SRRM3: variants seen among roughly 807,000 people sequenced by gnomAD.
SRRM3 encodes serine/arginine repetitive matrix 3, also known as serine/arginine repetitive matrix protein 3.
A neutral mutation model predicts 66.2 loss-of-function variants in SRRM3; 27 were observed. That is an observed-to-expected ratio of 0.41 (90% confidence interval 0.30 to 0.56). SRRM3 has a LOEUF of 0.56. Among genes scored for constraint, SRRM3 ranks in the 20% least tolerant of loss-of-function variants. SRRM3 has a pLI of 0.32. For missense variants in SRRM3, 918 were observed against 991.9 expected (o/e 0.93, Z 1.00); for synonymous variants, 391 against 414.9 (o/e 0.94, Z 0.70).
chr7:76,257,422 T>G (rs1583915603), intron 3 of SRRM3, among the ~76,000 whole-genome samples: 1 of 128,710 alleles, frequency 7.8e-6, no homozygotes, highest in African/African-American at 3.0e-5. Flanking sequence ...CTCTGGAGGG[T>G]CACTTCCAGG....
intron 1 of SRRM3, among the ~76,000 whole-genome samples, chr7:76,219,502 G>A (rs1422876922): frequency 2.0e-5 from 3 of 152,204 alleles, no homozygotes; most frequent in African/African-American, 7.2e-5. Context: ...GAAGCCTGAG[G>A]GGATGCCCTG....
chr7:76,220,100 G>A (rs1800671318), intron 1 of SRRM3, among the ~76,000 whole-genome samples: 1 of 152,194 alleles, frequency 6.6e-6, no homozygotes, highest in Admixed American at 6.5e-5. Context: ...TCCCATCGGT[G>A]CAAACACAGG....
In SRRM3 at chr7:76,285,807, C is replaced by T. The variant is rs1802653563; in HGVS notation, c.1926C>T (p.Tyr642=). 6.4e-7 allele frequency: 1 copy of T among 1,550,842 alleles called. No homozygotes were observed. Among genetic ancestry groups the T allele is most frequent in the East Asian group, 2.4e-5 (1 of 40,940 alleles). Residue 642 remains tyrosine (Y), a synonymous_variant, in exon 15 of 15, where the codon TAC becomes TAT. Coordinates refer to ENST00000611745, the MANE Select transcript of SRRM3 (RefSeq NM_001110199.3). This position sits in a 1 kb window ranked among gnomAD's most constrained non-coding sequence, Gnocchi z 4.1. ...RSPSRTPSPS[Y]HSRSSSESGG... is the part of the protein sequence containing the mutation. The stretch of plus-strand genomic sequence containing the variant: ...CCTCGAGGACCCCCAGTCCCAGCTA[C>T]CACAGCCGGAGCAGCTCTGAGAGCG...
At position 76,255,148 on chromosome 7, in the gene SRRM3, C is replaced by CTTTTTTT. The variant is rs57880700; in HGVS notation, c.336-4745_336-4739dup. 8.9e-4 allele frequency among the ~76,000 whole-genome samples: 74 copies of CTTTTTTT among 83,164 alleles called. 2 individuals carry two copies. The highest frequency in any genetic ancestry group is 1.8e-3 in the East Asian group (4 of 2,252). The allele number at this position is 83,164 out of a possible 152,430, so 54.6% of individuals were successfully genotyped here. A position where few individuals can be genotyped will look rare whatever the true frequency, so the allele number is the denominator to read the frequency against. On this transcript the variant is annotated intron_variant, in intron 3 of 14. Coordinates refer to ENST00000611745, the MANE Select transcript of SRRM3 (RefSeq NM_001110199.3). ...CTTTTCTTTCTTTCTTTCTTTCTTT[C>CTTTTTTT]TTTTTTTTTTTTTTTTTTTGAGATG...
intron 3 of SRRM3, among the ~76,000 whole-genome samples, chr7:76,255,200 A>C (rs1197253465): frequency 1.7e-5 from 2 of 118,846 alleles, no homozygotes; most frequent in African/African-American, 6.5e-5. Context: ...CCCAGGCTGG[A>C]GTGCAGTGGT....
At chr7:76,203,027 T>C (rs879970441) in intron 1 of SRRM3, among the ~76,000 whole-genome samples, 1 of 152,130 alleles carries the variant, frequency 6.6e-6, no homozygotes, top group Non-Finnish European at 1.5e-5. Context: ...TTTTGTCCCA[T>C]GGCAAGAGAA....
intron 2 of SRRM3, among the ~76,000 whole-genome samples, chr7:76,240,323 T>C (rs11980705): frequency 0.033 from 5,060 of 151,500 alleles, 177 homozygotes; most frequent in African/African-American, 0.094. Context: ...ATTTCTACTT[T>C]TAAAAATTAA....
chr7:76,252,244 G>A (rs1345446051), intron 3 of SRRM3, among the ~76,000 whole-genome samples: 4 of 152,214 alleles, frequency 2.6e-5, no homozygotes, highest in African/African-American at 9.6e-5. Flanking sequence ...CAGCAGGGAA[G>A]GTCAGCCAGC....
chr7:76,265,106 T>A (rs1554609308), intron 9 of SRRM3, among the ~76,000 whole-genome samples: 1 of 151,246 alleles, frequency 6.6e-6, no homozygotes, highest in African/African-American at 2.4e-5. Context: ...CTGAGGGGGG[T>A]CTTGGGAGGC....
chr7:76,258,223 G>T (rs1028706768), intron 3 of SRRM3, among the ~76,000 whole-genome samples: 5 of 152,226 alleles, frequency 3.3e-5, no homozygotes, highest in Admixed American at 1.3e-4. Flanking sequence ...GGAGGCTGCA[G>T]AGGGGAGGGC....
chr7:76,254,948 C>T (rs1801670480), intron 3 of SRRM3, among the ~76,000 whole-genome samples: 1 of 151,920 alleles, frequency 6.6e-6, no homozygotes, highest in Admixed American at 6.6e-5. Context: ...TCTGTACAAG[C>T]TGGGGGATGA....
chr7:76,215,398 T>G (rs11976745), intron 1 of SRRM3, among the ~76,000 whole-genome samples: 1,737 of 143,162 alleles, frequency 0.012, 30 homozygotes, highest in African/African-American at 0.043. Context: ...CCCGCAGTTT[T>G]TTTTTTTTTT....
chr7:76,267,179 G>A (rs1489439962), intron 10 of SRRM3, 79 bp from the exon 11 acceptor site: 5 of 1,307,984 alleles, frequency 3.8e-6, no homozygotes, highest in Non-Finnish European at 5.0e-6. Context: ...GCTGGGGAAG[G>A]GGGAAAGAGG....
At chr7:76,205,241 T>G (rs1800266293) in intron 1 of SRRM3, among the ~76,000 whole-genome samples, 1 of 152,086 alleles carries the variant, frequency 6.6e-6, no homozygotes, top group African/African-American at 2.4e-5. Flanking sequence ...ACAGAGTCTC[T>G]CTCTGTCACC....
At chr7:76,217,842 C>T (rs782025500) in intron 1 of SRRM3, among the ~76,000 whole-genome samples, 36 of 152,262 alleles carry the variant, frequency 2.4e-4, no homozygotes, top group Non-Finnish European at 4.0e-4. Context: ...TTTCTTCAGT[C>T]GGGCCTTTGT....
chr7:76,244,637 C>T (rs1296646954), intron 2 of SRRM3, among the ~76,000 whole-genome samples: 14 of 152,092 alleles, frequency 9.2e-5, no homozygotes, highest in African/African-American at 3.4e-4. Flanking sequence ...TCTGACTCAA[C>T]CGATTGGTCC....
chr7:76,233,145 A>C (rs1243718097), intron 1 of SRRM3, among the ~76,000 whole-genome samples: 1 of 152,210 alleles, frequency 6.6e-6, no homozygotes, highest in Non-Finnish European at 1.5e-5. Flanking sequence ...TCTACAAAAA[A>C]AAATTCTTTG....
intron 11 of SRRM3, among the ~76,000 whole-genome samples, chr7:76,280,537 G>A (rs1802468359): frequency 2.0e-5 from 3 of 151,360 alleles, no homozygotes; most frequent in African/African-American, 4.9e-5. Flanking sequence ...TGCCAGCCCC[G>A]ATGCCTGTCC....
At chr7:76,237,031 C>T (rs1301668757) in intron 2 of SRRM3, among the ~76,000 whole-genome samples, 28 of 151,988 alleles carry the variant, frequency 1.8e-4, no homozygotes, top group Admixed American at 1.4e-3. Context: ...TTTGGGAGGC[C>T]GAAGTGGGCA....
Sources: gnomAD v4.1 joint callset for allele counts (sites outside exome capture counted in the v4.1 genomes callset) on GRCh38, gnomAD v4.1.1 for gene constraint, Gnocchi (gnomAD v3.1) non-coding constraint, MANE v1.5 for transcripts, NCBI Gene and HGNC (gene_info 2026-07-23, HGNC 2026-07-21) for gene names.